The following CDH12 variants were observed in gnomAD, a reference collection of about 807,000 sequenced individuals.
CDH12 encodes cadherin-12.
Under a neutral mutation model 74.1 loss-of-function variants are expected in CDH12, and 41 were observed. That is an observed-to-expected ratio of 0.55 (90% CI 0.43 to 0.72). The LOEUF is 0.72. Among genes scored for constraint, CDH12 ranks in the 30% least tolerant of loss-of-function variants. The probability of loss-of-function intolerance (pLI) is 0.00; values close to 1 mark genes in which losing one functional copy is unlikely to be tolerated. For missense variants in CDH12, 945 were observed against 977.2 expected, an observed-to-expected ratio of 0.97 and a Z score of 0.44; for synonymous variants, 399 against 355.0, an observed-to-expected ratio of 1.12 and a Z score of -1.39.
intron 9 of CDH12, among the ~76,000 whole-genome samples, chr5:21,813,313 T>C (rs113050437): frequency 0.13 from 20,042 of 151,846 alleles, 1,751 homozygotes; most frequent in East Asian, 0.24. Flanking sequence ...ACCCCTTCTC[T>C]ACTAAAAATA....
chr5:22,778,101 G>A (rs963438022), intron 1 of CDH12, among the ~76,000 whole-genome samples: 11 of 152,076 alleles, frequency 7.2e-5, no homozygotes, highest in Non-Finnish European at 1.5e-4. Flanking sequence ...CATCATGCCC[G>A]GCCAGATATT....
intron 4 of CDH12, among the ~76,000 whole-genome samples, chr5:22,120,313 A>G (rs1745431487): frequency 6.6e-6 from 1 of 152,190 alleles, no homozygotes; most frequent in African/African-American, 2.4e-5. Flanking sequence ...AAAAACAAAT[A>G]TACATATTCA....
At chr5:22,602,795 T>C (rs963264860) in intron 1 of CDH12, among the ~76,000 whole-genome samples, 14 of 152,170 alleles carry the variant, frequency 9.2e-5, no homozygotes, top group African/African-American at 3.1e-4. Flanking sequence ...TGCCAGTTCC[T>C]TTGGGATTAC....
chr5:22,763,671 A>T (rs935796909), intron 1 of CDH12, among the ~76,000 whole-genome samples: 4 of 151,930 alleles, frequency 2.6e-5, no homozygotes, highest in Non-Finnish European at 5.9e-5. Flanking sequence ...AACCTTAAAG[A>T]TGGACTCATG....
At chr5:22,529,188 T>TAC in intron 1 of CDH12, among the ~76,000 whole-genome samples, 1 of 84,540 alleles carries the variant, frequency 1.2e-5, no homozygotes, top group African/African-American at 4.1e-5. Flanking sequence ...TATATATATA[T>TAC]AGAGAGAGAG....
chr5:22,305,488 G>A (rs1342120276), intron 3 of CDH12, among the ~76,000 whole-genome samples: 4 of 152,140 alleles, frequency 2.6e-5, no homozygotes, highest in Non-Finnish European at 4.4e-5. Context: ...GAAGTGCCAC[G>A]CTGGCTCCAT....
intron 6 of CDH12, among the ~76,000 whole-genome samples, chr5:21,898,754 G>T (rs1184726215): frequency 6.6e-6 from 1 of 151,868 alleles, no homozygotes; most frequent in Non-Finnish European, 1.5e-5. Context: ...TATTTGAGAA[G>T]AGACAATTGT....
intron 1 of CDH12, among the ~76,000 whole-genome samples, chr5:22,598,511 G>T (rs569143108): frequency 6.6e-6 from 1 of 152,234 alleles, no homozygotes; most frequent in East Asian, 1.9e-4. Context: ...CAGACATCTG[G>T]ATCTGTGAGT....
intron 1 of CDH12, among the ~76,000 whole-genome samples, chr5:22,834,352 G>T (rs1736734631): frequency 6.6e-6 from 1 of 152,088 alleles, no homozygotes; most frequent in Non-Finnish European, 1.5e-5. Flanking sequence ...CAGGATATTT[G>T]CAGAGAGATT....
intron 1 of CDH12, among the ~76,000 whole-genome samples, chr5:22,760,678 C>CAAAAAAAAAA (rs11284255): frequency 1.3e-4 from 8 of 63,424 alleles, no homozygotes; most frequent in South Asian, 8.4e-4. Flanking sequence ...GACTCCGTCT[C>CAAAAAAAAAA]AAAAAAAAAA....
chr5:22,413,700 T>C (rs1743259613), intron 2 of CDH12, among the ~76,000 whole-genome samples: 1 of 152,074 alleles, frequency 6.6e-6, no homozygotes, highest in African/African-American at 2.4e-5. Flanking sequence ...TTCTTTACAT[T>C]AGCATAGCAT....
intron 3 of CDH12, among the ~76,000 whole-genome samples, chr5:22,324,545 T>C (rs1189008202): frequency 6.6e-6 from 1 of 151,730 alleles, no homozygotes; most frequent in Admixed American, 6.6e-5. Flanking sequence ...GTTCTAAAAT[T>C]TAAAAAAGAG....
intron 6 of CDH12, among the ~76,000 whole-genome samples, chr5:21,965,902 TAA>T (rs1328278226): frequency 5.9e-5 from 9 of 152,134 alleles, no homozygotes; most frequent in African/African-American, 2.2e-4. Flanking sequence ...ACTGAAAATA[TAA>T]AGTTACATAA....
chr5:22,780,479 G>A (rs1364209851), intron 1 of CDH12, among the ~76,000 whole-genome samples: 3 of 152,096 alleles, frequency 2.0e-5, no homozygotes, highest in Non-Finnish European at 4.4e-5. Context: ...GGATGGTGAA[G>A]GGGAAGAAAG....
chr5:22,606,265 AC>A, intron 1 of CDH12, among the ~76,000 whole-genome samples: 1 of 152,192 alleles, frequency 6.6e-6, no homozygotes, highest in South Asian at 2.1e-4. Context: ...CTGTGAAGCA[AC>A]ATGAGATGTT....
chr5:21,821,187 C>T (rs1002628232), intron 8 of CDH12, among the ~76,000 whole-genome samples: 9 of 150,960 alleles, frequency 6.0e-5, no homozygotes, highest in Non-Finnish European at 1.3e-4. Context: ...GTGTGTCGGG[C>T]GGGGAGAGTG....
rs79211370 is a variant in CDH12, at chr5:21,805,506, T to C, written c.1003-3086A>G. 8.6e-3 allele frequency among the ~76,000 whole-genome samples: 1,306 copies of C among 152,238 alleles called. 19 individuals are homozygous for C. Among genetic ancestry groups the C allele is most frequent in the African/African-American group, 0.029 (1,223 of 41,556 alleles). On this transcript the variant is annotated intron_variant, in intron 9 of 14. Coordinates refer to ENST00000382254, the MANE Select transcript of CDH12 (RefSeq NM_004061.5). The stretch of plus-strand genomic sequence containing the variant: ...CAGATTTTTTGCAACTGAAAACTTA[T>C]AGCCTGTAGTGATCAAAGAACTAAA...
intron 6 of CDH12, among the ~76,000 whole-genome samples, chr5:21,912,612 G>A (rs17299297): frequency 0.042 from 6,413 of 152,236 alleles, 181 homozygotes; most frequent in Non-Finnish European, 0.062. Context: ...CATGTCAATA[G>A]GAAGAATGCC....
At chr5:21,896,747 C>T (rs1046701353) in intron 6 of CDH12, among the ~76,000 whole-genome samples, 3 of 152,168 alleles carry the variant, frequency 2.0e-5, no homozygotes, top group African/African-American at 7.2e-5. Flanking sequence ...GGCTAAACTT[C>T]TTAACACTGC....
Sources: allele counts gnomAD v4.1 joint callset (sites outside exome capture counted in the v4.1 genomes callset), GRCh38; gene constraint gnomAD v4.1.1; transcripts MANE v1.5; gene names NCBI Gene and HGNC (gene_info 2026-07-23, HGNC 2026-07-21).